C19orf12: variants seen among roughly 807,000 people sequenced by gnomAD.
C19orf12 encodes protein C19orf12.
C19orf12 carries 2 observed loss-of-function variants against 3.8 expected under a neutral mutation model. The ratio of observed to expected loss-of-function variants is 0.53; its 90% CI spans 0.22 to 1.66. The LOEUF is 1.66. Among genes scored for constraint, C19orf12 ranks in the 40% most tolerant of loss-of-function variants. The pLI is 0.20. For synonymous variants in C19orf12, 89 were observed against 84.6 expected, an observed-to-expected ratio of 1.05 and a Z score of -0.28; for missense variants, 156 against 188.8, an observed-to-expected ratio of 0.83 and a Z score of 1.02.
At chr19:29,715,403 C>G (rs1187913521), upstream of C19orf12, 4 of 411,890 alleles carry the variant, frequency 9.7e-6, no homozygotes, top group Non-Finnish European at 1.5e-5. Context: ...GGTCCTGGCC[C>G]ACCCCGCCGC....
chr19:29,701,964 G>C lies in C19orf12; in HGVS notation c.*748C>G, dbSNP rs1209315663. 1 of 454,078 alleles carries C rather than the reference G, an allele frequency of 2.2e-6. No individual in the cohort carries two copies. Among genetic ancestry groups the C allele is most frequent in the Non-Finnish European group, 4.4e-6 (1 of 226,796 alleles). The allele number at this position is 454,078 out of a possible 1,614,324, so 28.1% of individuals were successfully genotyped here. On this transcript the variant is annotated 3_prime_UTR_variant, in exon 3 of 3. Transcript: ENST00000323670. ...ATGTTGGCTTTACCGAGGTGGTCTG[G>C]AACTGAACCCACAATATCTCCGAGA... is the stretch of plus-strand genomic sequence containing the variant.
intron 2 of C19orf12, among the ~76,000 whole-genome samples, chr19:29,706,694 G>T (rs763535199): frequency 1.9e-4 from 29 of 152,260 alleles, no homozygotes; most frequent in Non-Finnish European, 2.9e-4. Context: ...ACTAATTCAT[G>T]GAGTTTGGAA....
rs60814860 is a variant in C19orf12, at chr19:29,699,482, CAAA to C, written c.*3227_*3229del. 209,605 of 382,130 alleles carry C rather than the reference CAAA, an allele frequency of 0.55. 46,407 individuals carry two copies. The highest frequency in any genetic ancestry group is 0.76 in the African/African-American group (32,735 of 43,056). 23.7% of individuals were successfully genotyped at this position (382,130 alleles called of 1,614,324 possible). A position where few individuals can be genotyped will look rare whatever the true frequency, so the allele number is the denominator to read the frequency against. ...CGGGCGACAGTGCGAGACTCCATCT[CAAA>C]AAAAAAAAAAAGAAAAAAAGAAAAA... On this transcript the variant is annotated 3_prime_UTR_variant, in exon 3 of 3. Coordinates refer to ENST00000323670, the MANE Select transcript of C19orf12 (RefSeq NM_031448.6).
In C19orf12 at chr19:29,715,233, G is replaced by A. The variant is rs775350003; in HGVS notation, c.-119C>T. The A allele has an allele frequency of 2.3e-6, 1 of 426,742 alleles. No individual in the cohort carries two copies. The highest frequency in any genetic ancestry group is 3.7e-5 in the Admixed American group (1 of 26,896). The allele number at this position is 426,742 out of a possible 1,614,324, so 26.4% of individuals were successfully genotyped here. On this transcript the variant is annotated 5_prime_UTR_variant, in exon 1 of 3. Transcript: ENST00000323670. ...CAGCTCCCCAGCCCCGCGGAGGGTC[G>A]CGCAGGCCTTGGTGGCGGCCCCGGC...
At chr19:29,711,513 G>A (rs1248667823) in intron 1 of C19orf12, among the ~76,000 whole-genome samples, 1 of 152,158 alleles carries the variant, frequency 6.6e-6, no homozygotes, top group Admixed American at 6.5e-5. Context: ...GAGAGGCACT[G>A]CCCAGGTCTC....
intron 1 of C19orf12, among the ~76,000 whole-genome samples, chr19:29,709,125 C>A (rs1358269878): frequency 6.6e-6 from 1 of 152,178 alleles, no homozygotes; most frequent in Non-Finnish European, 1.5e-5. Context: ...CAGTTGTACC[C>A]ATGGGACACT....
Position 29,699,756 on chromosome 19 carries a change from C to A in C19orf12, c.*2956G>T, listed in dbSNP as rs113943151. ...GCTGCCTCTGGGGTCGGCATAGGAG[C>A]AGGCCTTCCCTTGCAGCTTGCGCCC... is the stretch of plus-strand genomic sequence containing the variant. On this transcript the variant is annotated 3_prime_UTR_variant, in exon 3 of 3. Transcript: ENST00000323670. 4.2e-3 allele frequency: 1,897 copies of A among 454,008 alleles called. 31 individuals are homozygous for A. Among genetic ancestry groups the A allele is most frequent in the African/African-American group, 0.035 (1,755 of 50,088 alleles). 28.1% of individuals were successfully genotyped at this position (454,008 alleles called of 1,614,324 possible). A position where few individuals can be genotyped will look rare whatever the true frequency, so the allele number is the denominator to read the frequency against.
Position 29,699,384 on chromosome 19 carries a change from G to A in C19orf12, c.*3328C>T, listed in dbSNP as rs562549686. The stretch of plus-strand genomic sequence containing the variant: ...TGTAGTCAAAGCTACTCGGGAGGCT[G>A]AGGCAGGAGAATGGCTTGAACCCAG... On this transcript the variant is annotated 3_prime_UTR_variant, in exon 3 of 3. Transcript: ENST00000323670. The A allele has an allele frequency of 5.3e-6, 2 of 379,420 alleles. No homozygotes were observed. The highest frequency in any genetic ancestry group is 2.0e-5 in the South Asian group (1 of 49,398). 23.5% of individuals were successfully genotyped at this position (379,420 alleles called of 1,614,324 possible).
intron 1 of C19orf12, among the ~76,000 whole-genome samples, chr19:29,709,930 G>T (rs969562465): frequency 6.6e-6 from 1 of 152,042 alleles, no homozygotes; most frequent in African/African-American, 2.4e-5. Context: ...GGTGTGCAGT[G>T]GTGCGATCAT....
rs398122409 is a variant in C19orf12, at chr19:29,702,971, GC to G, written c.166del (p.Ala56LeufsTer6). ...GGPPGLAVGG[A>X]VGGLLGAWMT... is the part of the protein sequence containing the mutation. ...CCAGGCACCTAACAGCCCCCCGACA[GC>G]CCCCCCTAGAAAACATGGAATCGTT... On this transcript the variant is annotated frameshift_variant, in exon 3 of 3. Transcript: ENST00000323670. LOFTEE classifies it high-confidence loss of function. 8 of 1,613,440 alleles carry G rather than the reference GC, an allele frequency of 5.0e-6. No homozygotes were observed. In the South Asian group the frequency reaches 7.7e-5, roughly 16 times the overall value.
chr19:29,712,331 G>A (rs1161617276), intron 1 of C19orf12, among the ~76,000 whole-genome samples: 5 of 152,026 alleles, frequency 3.3e-5, no homozygotes, highest in African/African-American at 7.2e-5. Flanking sequence ...ACTTGAACCC[G>A]GGAGGTGGAG....
At chr19:29,712,506 C>A (rs1002550244) in intron 1 of C19orf12, among the ~76,000 whole-genome samples, 8 of 152,140 alleles carry the variant, frequency 5.3e-5, no homozygotes, top group African/African-American at 1.9e-4. Flanking sequence ...GTGTTCTTCC[C>A]CCCCACCACC....
intron 2 of C19orf12, chr19:29,705,510 GTT>G (rs34868329): frequency 1.6e-3 from 334 of 209,492 alleles, no homozygotes; most frequent in East Asian, 2.7e-3. Context: ...GGTTTCTTAG[GTT>G]TTTTTTTTTT....
chr19:29,715,713 A>G (rs1972921391), upstream of C19orf12: 1 of 157,132 alleles, frequency 6.4e-6, no homozygotes, highest in Non-Finnish European at 1.4e-5. Context: ...TGTGGGCCGG[A>G]GCCAGATTTC....
chr19:29,712,402 C>A (rs1365034028), intron 1 of C19orf12, among the ~76,000 whole-genome samples: 2 of 151,174 alleles, frequency 1.3e-5, no homozygotes, highest in Non-Finnish European at 2.9e-5. Context: ...GGGACTCCGT[C>A]TCAAAAAAAA....
intron 1 of C19orf12, among the ~76,000 whole-genome samples, chr19:29,711,700 A>C (rs569800290): frequency 6.6e-6 from 1 of 152,338 alleles, no homozygotes; most frequent in Admixed American, 6.5e-5. Context: ...GCACAGCAAG[A>C]AAATGCATGT....
chr19:29,706,572 T>C lies in C19orf12; in HGVS notation c.160+1682A>G, dbSNP rs77124937. 9.2e-3 allele frequency among the ~76,000 whole-genome samples: 1,397 copies of C among 152,244 alleles called. 20 individuals are homozygous for C. Among genetic ancestry groups the C allele is most frequent in the African/African-American group, 0.032 (1,338 of 41,526 alleles). ...ATCCCCAAAGCCTTCCCCTGAGCAC[T>C]GAGATGGAGGTGGGGGCACAGATGC... On this transcript the variant is annotated intron_variant, in intron 2 of 2. Transcript: ENST00000323670.
In C19orf12 at chr19:29,699,971, C is replaced by T; in HGVS notation, c.*2741G>A. Reference sequence around the variant, plus strand: ...AGATAAGACTCCAGGTTCAGGCTGCCCTTTTAGGCCCAAAGCCTCCAAGTC... The same window carrying T: ...AGATAAGACTCCAGGTTCAGGCTGCTCTTTTAGGCCCAAAGCCTCCAAGTC... On this transcript the variant is annotated 3_prime_UTR_variant, in exon 3 of 3. Transcript: ENST00000323670. 4.4e-6 allele frequency: 2 copies of T among 454,084 alleles called. No individual in the cohort carries two copies. The highest frequency in any genetic ancestry group is 3.1e-5 in the South Asian group (2 of 64,476). The allele number at this position is 454,084 out of a possible 1,614,324, so 28.1% of individuals were successfully genotyped here. A position where few individuals can be genotyped will look rare whatever the true frequency, so the allele number is the denominator to read the frequency against.
rs1468018610 is a variant in C19orf12, at chr19:29,702,434, G to C, written c.*278C>G. On this transcript the variant is annotated 3_prime_UTR_variant, in exon 3 of 3. Coordinates refer to ENST00000323670, the MANE Select transcript of C19orf12 (RefSeq NM_031448.6). Reference sequence around the variant, plus strand: ...AGAGGACTCAGCAGACGCCTCCGAAGCCTGCGGCAGGCAGGCCTTTACTCT... The same window carrying C: ...AGAGGACTCAGCAGACGCCTCCGAACCCTGCGGCAGGCAGGCCTTTACTCT... The C allele has an allele frequency of 1.4e-5, 9 of 643,278 alleles. No homozygotes were observed. Among genetic ancestry groups the C allele is most frequent in the Non-Finnish European group, 2.6e-5 (9 of 348,960 alleles). The allele number at this position is 643,278 out of a possible 1,614,324, so 39.8% of individuals were successfully genotyped here.
Sources: allele counts gnomAD v4.1 joint callset (sites outside exome capture counted in the v4.1 genomes callset), GRCh38; gene constraint gnomAD v4.1.1; transcripts MANE v1.5; gene names NCBI Gene and HGNC (gene_info 2026-07-23, HGNC 2026-07-21).